Variants in EAF2 observed in about 807,000 individuals in gnomAD.
The protein encoded by EAF2 is ELL associated factor 2, also known as ELL-associated factor 2.
EAF2 carries 29 observed loss-of-function variants against 29.4 expected under a neutral mutation model. That is an observed-to-expected ratio of 0.99 (90% CI 0.73 to 1.35). The LOEUF (loss-of-function observed/expected upper bound fraction) is 1.35. EAF2 is among the 40% of genes most tolerant of loss of function. EAF2 has a pLI of 0.00. For missense variants in EAF2, 292 were observed against 312.0 expected (o/e 0.94, Z 0.48); for synonymous variants, 103 against 102.5 (o/e 1.00, Z -0.03).
intron 4 of EAF2, 111 bp downstream of exon 4, chr3:121,857,267 G>A: frequency 1.1e-6 from 1 of 897,582 alleles, no homozygotes; most frequent in South Asian, 1.9e-5. Context: ...GCCGAGGCAG[G>A]CGGATCATGA....
At chr3:121,843,228 A>G (rs149291703) in intron 1 of EAF2, among the ~76,000 whole-genome samples, 11 of 152,288 alleles carry the variant, frequency 7.2e-5, no homozygotes, top group Non-Finnish European at 1.5e-4. Flanking sequence ...CATAAATGTC[A>G]GCTATTTTAA....
intron 5 of EAF2, among the ~76,000 whole-genome samples, chr3:121,884,491 G>T (rs1256725458): frequency 6.6e-6 from 1 of 151,128 alleles, no homozygotes; most frequent in African/African-American, 2.4e-5. Flanking sequence ...GCAGTGGCGT[G>T]ATCTCGGCTT....
intron 4 of EAF2, among the ~76,000 whole-genome samples, chr3:121,870,459 A>C (rs975352014): frequency 1.3e-5 from 2 of 152,170 alleles, no homozygotes; most frequent in Non-Finnish European, 2.9e-5. Context: ...AGTGTCTTGA[A>C]GAGAATTAAA....
At chr3:121,860,384 T>C (rs1280209085) in intron 4 of EAF2, among the ~76,000 whole-genome samples, 1 of 152,208 alleles carries the variant, frequency 6.6e-6, no homozygotes, top group Non-Finnish European at 1.5e-5. Flanking sequence ...AATTTCTTCC[T>C]TGTTTATTCT....
At chr3:121,846,820 T>C (rs542503294) in intron 2 of EAF2, among the ~76,000 whole-genome samples, 1 of 152,194 alleles carries the variant, frequency 6.6e-6, no homozygotes, top group African/African-American at 2.4e-5. Flanking sequence ...AGGTTTCTTA[T>C]GTTTAATAAT....
intron 1 of EAF2, among the ~76,000 whole-genome samples, chr3:121,839,367 G>C (rs1047840442): frequency 6.6e-6 from 1 of 152,150 alleles, no homozygotes. Context: ...TTGACTGCCT[G>C]GGTTACCCTG....
At chr3:121,855,719 G>C (rs1410497523) in intron 3 of EAF2, among the ~76,000 whole-genome samples, 2 of 152,174 alleles carry the variant, frequency 1.3e-5, no homozygotes, top group African/African-American at 4.8e-5. Context: ...CGGAGCAGAG[G>C]TTTGTCTCTG....
chr3:121,854,159 T>C (rs1708678921), intron 2 of EAF2, among the ~76,000 whole-genome samples: 1 of 151,676 alleles, frequency 6.6e-6, no homozygotes, highest in East Asian at 1.9e-4. Flanking sequence ...CTACTAAAAA[T>C]ATAAAAATTA....
intron 5 of EAF2, among the ~76,000 whole-genome samples, chr3:121,878,533 C>T (rs1709140216): frequency 6.6e-6 from 1 of 152,118 alleles, no homozygotes; most frequent in African/African-American, 2.4e-5. Context: ...TTTGTACCCA[C>T]TAACCAACCT....
At chr3:121,840,665 G>A (rs1708402804) in intron 1 of EAF2, among the ~76,000 whole-genome samples, 1 of 151,276 alleles carries the variant, frequency 6.6e-6, no homozygotes, top group Non-Finnish European at 1.5e-5. Flanking sequence ...ATATTAGCCG[G>A]GAGTGGTGAC....
At chr3:121,871,315 C>T (rs1709008924) in intron 4 of EAF2, among the ~76,000 whole-genome samples, 1 of 145,942 alleles carries the variant, frequency 6.9e-6, no homozygotes, top group Non-Finnish European at 1.5e-5. Flanking sequence ...GTATGAAGTT[C>T]AAGAATAGAC....
At chr3:121,863,834 CTTGTATCA>C (rs904888535) in intron 4 of EAF2, among the ~76,000 whole-genome samples, 2 of 152,016 alleles carry the variant, frequency 1.3e-5, no homozygotes, top group African/African-American at 4.8e-5. Flanking sequence ...GGAACCTCCC[CTTGTATCA>C]TTTTAAATTA....
intron 4 of EAF2, among the ~76,000 whole-genome samples, chr3:121,865,775 GTGAC>G (rs1708914667): frequency 6.6e-6 from 1 of 152,178 alleles, no homozygotes; most frequent in Admixed American, 6.5e-5. Flanking sequence ...ACCACAGTGA[GTGAC>G]TGCATTCCTC....
chr3:121,836,588 A>G, intron 1 of EAF2: 1 of 965,130 alleles, frequency 1.0e-6, no homozygotes, highest in Non-Finnish European at 1.2e-6. Flanking sequence ...TTGTGAACAG[A>G]AACTCTTCAA....
At chr3:121,879,323 C>T (rs1709152987) in intron 5 of EAF2, among the ~76,000 whole-genome samples, 1 of 151,890 alleles carries the variant, frequency 6.6e-6, no homozygotes. Context: ...TATTTTTTCC[C>T]CTTCTGTAGA....
intron 1 of EAF2, among the ~76,000 whole-genome samples, chr3:121,840,192 A>G (rs1235641220): frequency 5.1e-5 from 4 of 77,978 alleles, no homozygotes; most frequent in Admixed American, 3.9e-4. Context: ...CTCTCAGGAA[A>G]AAAAAAAAAA....
intron 5 of EAF2, among the ~76,000 whole-genome samples, chr3:121,882,789 T>TG (rs910045138): frequency 1.4e-4 from 21 of 149,294 alleles, no homozygotes; most frequent in Admixed American, 1.4e-3. Context: ...AGGTGGTGGT[T>TG]TTTTTTTTTT....
intron 5 of EAF2, 137 bp from the exon 6 acceptor site, chr3:121,886,205 A>G: frequency 2.5e-6 from 1 of 397,780 alleles, no homozygotes; most frequent in East Asian, 4.3e-5. Flanking sequence ...TAATTGTGTC[A>G]CTGAATTACA....
intron 1 of EAF2, among the ~76,000 whole-genome samples, chr3:121,841,361 G>A (rs935825698): frequency 4.0e-5 from 6 of 150,706 alleles, no homozygotes; most frequent in African/African-American, 7.3e-5. Flanking sequence ...AAAATTAGTC[G>A]GGCTGTAGTG....
Sources: gnomAD v4.1 joint callset for allele counts (sites outside exome capture counted in the v4.1 genomes callset) on GRCh38, gnomAD v4.1.1 for gene constraint, MANE v1.5 for transcripts, NCBI Gene and HGNC (gene_info 2026-07-23, HGNC 2026-07-21) for gene names.